The following C19orf38 variants were observed in gnomAD, a reference collection of about 807,000 sequenced individuals.
The protein encoded by C19orf38 is chromosome 19 open reading frame 38, also known as protein HIDE1.
C19orf38 carries 14 observed loss-of-function variants against 26.6 expected under a neutral mutation model. The observed-to-expected ratio is 0.53, with a 90% CI of 0.35 to 0.82. The LOEUF is 0.82. Among genes scored for constraint, C19orf38 ranks in the 40% least tolerant of loss-of-function variants. The pLI is 0.01. For missense variants in C19orf38, 261 were observed against 299.5 expected (o/e 0.87, Z 0.95); for synonymous variants, 132 against 128.5 (o/e 1.03, Z -0.18).
intron 6 of C19orf38, among the ~76,000 whole-genome samples, chr19:10,867,671 G>A (rs911615374): frequency 6.4e-4 from 10 of 15,746 alleles, no homozygotes; most frequent in Non-Finnish European, 1.3e-4. Context: ...TTTTTTTTTT[G>A]AGACAGTGTC....
At chr19:10,840,296 C>T (rs1040236354) in intron 1 of C19orf38, among the ~76,000 whole-genome samples, 1 of 152,108 alleles carries the variant, frequency 6.6e-6, no homozygotes, top group African/African-American at 2.4e-5. Context: ...TACATCCTCA[C>T]CAACACTTGT....
upstream of C19orf38, chr19:10,848,334 A>G: frequency 1.6e-6 from 1 of 630,114 alleles, no homozygotes; most frequent in Non-Finnish European, 2.9e-6. Context: ...GGGAGGGGAG[A>G]GAGTCCCTTT....
At position 10,863,528 on chromosome 19, in the gene C19orf38, CAG is replaced by C. The variant is rs564264831; in HGVS notation, c.543+324_543+325del. 3.0e-3 allele frequency among the ~76,000 whole-genome samples: 454 copies of C among 152,270 alleles called. 1 individual carries two copies. Among genetic ancestry groups the C allele is most frequent in the African/African-American group, 0.011 (440 of 41,558 alleles). On this transcript the variant is annotated intron_variant, in intron 6 of 6. Coordinates refer to ENST00000397820, the MANE Select transcript of C19orf38 (RefSeq NM_001136482.3). ...TCATGACAGCCCCTCAGAATGGTGACAGAGGATTCAGGGTGACCTGGTGGCCT... is the reference window on the plus strand; with the variant it reads ...TCATGACAGCCCCTCAGAATGGTGACAGGATTCAGGGTGACCTGGTGGCCT...
chr19:10,840,159 C>G (rs371499975), intron 1 of C19orf38, among the ~76,000 whole-genome samples: 2 of 150,954 alleles, frequency 1.3e-5, no homozygotes, highest in African/African-American at 4.9e-5. Flanking sequence ...GTATAGATCT[C>G]GTGGTGGAAT....
chr19:10,838,575 G>A (rs2073454779), intron 1 of C19orf38, among the ~76,000 whole-genome samples: 1 of 152,080 alleles, frequency 6.6e-6, no homozygotes, highest in Non-Finnish European at 1.5e-5. Context: ...GTTGTCTTGA[G>A]TAACACCCGG....
chr19:10,845,993 A>G (rs2073513030), upstream of C19orf38, among the ~76,000 whole-genome samples: 2 of 151,512 alleles, frequency 1.3e-5, no homozygotes, highest in African/African-American at 2.4e-5. Flanking sequence ...AGGCTGGGTA[A>G]CATAATAGGA....
chr19:10,836,954 C>T (rs935267058), intron 1 of C19orf38, among the ~76,000 whole-genome samples: 5 of 152,098 alleles, frequency 3.3e-5, no homozygotes, highest in African/African-American at 9.7e-5. Flanking sequence ...ACAGTAGCCT[C>T]GGGTCAGAAA....
chr19:10,859,280 AT>A (rs1568337405), intron 4 of C19orf38, among the ~76,000 whole-genome samples: 5 of 40,054 alleles, frequency 1.2e-4, no homozygotes, highest in African/African-American at 4.4e-4. Flanking sequence ...GTGTGTGTGT[AT>A]GTGTGTGTGT....
In C19orf38 at chr19:10,869,688, T is replaced by G; in HGVS notation, c.*321T>G. On this transcript the variant is annotated 3_prime_UTR_variant, in exon 7 of 7. Transcript: ENST00000397820. ...GGTCTCTGCACACCCGTGGAATTCC[T>G]CCCTTCCCCAGTGGGTTTTTGAGCA... 4.7e-5 allele frequency: 14 copies of G among 296,922 alleles called. No individual in the cohort carries two copies. The highest frequency in any genetic ancestry group is 1.5e-4 in the East Asian group (2 of 13,726). 18.4% of individuals were successfully genotyped at this position (296,922 alleles called of 1,614,324 possible). A position where few individuals can be genotyped will look rare whatever the true frequency, so the allele number is the denominator to read the frequency against.
chr19:10,850,293 G>A lies in C19orf38; in HGVS notation c.66G>A (p.Leu22=). The A allele has an allele frequency of 6.4e-7, 1 of 1,550,778 alleles. No homozygotes were observed. The highest frequency in any genetic ancestry group is 8.7e-7 in the Non-Finnish European group (1 of 1,146,940). Residue 22 remains leucine (L), a synonymous_variant, in exon 2 of 7, where the codon CTG becomes CTA. Coordinates refer to ENST00000397820, the MANE Select transcript of C19orf38 (RefSeq NM_001136482.3). ...CGATCCCAGCACCATCCATCCGGCT[G>A]GTGCCCCCGTACCCAAGCAGCCAAG... The part of the protein sequence containing the change: ...SLAIPAPSIR[L]VPPYPSSQED...
upstream of C19orf38, among the ~76,000 whole-genome samples, chr19:10,845,423 T>C (rs546252565): frequency 2.0e-5 from 3 of 152,220 alleles, no homozygotes; most frequent in East Asian, 3.9e-4. Flanking sequence ...GCCCAAGTAC[T>C]TGGGCATTAA....
chr19:10,847,109 C>G (rs1033022952), upstream of C19orf38, among the ~76,000 whole-genome samples: 1 of 152,140 alleles, frequency 6.6e-6, no homozygotes, highest in Non-Finnish European at 1.5e-5. Context: ...CTGGCTTGAA[C>G]AGAAATGTTT....
chr19:10,839,330 G>A (rs1160304051), intron 1 of C19orf38, among the ~76,000 whole-genome samples: 9 of 152,148 alleles, frequency 5.9e-5, no homozygotes, highest in Non-Finnish European at 1.2e-4. Flanking sequence ...GCATTCCCAC[G>A]TGCAAGCTTC....
intron 1 of C19orf38, 96 bp from the exon 2 acceptor site, chr19:10,850,163 A>T: frequency 1.6e-6 from 2 of 1,221,508 alleles, no homozygotes; most frequent in South Asian, 1.6e-5. Context: ...AGAAAACACA[A>T]GGCTGAGGGA....
chr19:10,865,199 T>C (rs2073739733), intron 6 of C19orf38, among the ~76,000 whole-genome samples: 2 of 152,110 alleles, frequency 1.3e-5, no homozygotes, highest in South Asian at 4.1e-4. Flanking sequence ...TCACCCAGGC[T>C]GGAGTGCAGT....
intron 6 of C19orf38, among the ~76,000 whole-genome samples, chr19:10,868,238 G>C (rs1247627557): frequency 6.6e-6 from 1 of 152,210 alleles, no homozygotes; most frequent in East Asian, 1.9e-4. Context: ...ATGCAACTTT[G>C]TAACACCCTT....
At chr19:10,851,157 G>T (rs181555024) in intron 2 of C19orf38, among the ~76,000 whole-genome samples, 1 of 152,160 alleles carries the variant, frequency 6.6e-6, no homozygotes, top group Non-Finnish European at 1.5e-5. Flanking sequence ...TGGTTCAAGC[G>T]ATTCTTCTGC....
At position 10,859,370 on chromosome 19, in the gene C19orf38, ATATATATATATATAT is replaced by A. The variant is rs1371415940; in HGVS notation, c.462-543_462-529del. ...TGTGTATATATATATATATATATAT[ATATATATATATATAT>A]TTTTTTTTTTTTTTTTAGACGGAGT... On this transcript the variant is annotated intron_variant, in intron 4 of 6. Coordinates refer to ENST00000397820, the MANE Select transcript of C19orf38 (RefSeq NM_001136482.3). Among the ~76,000 whole-genome samples, 355 of 77,636 alleles carry A rather than the reference ATATATATATATATAT, an allele frequency of 4.6e-3. 5 individuals are homozygous for A. The highest frequency in any genetic ancestry group is 0.043 in the East Asian group (72 of 1,684). The allele number at this position is 77,636 out of a possible 152,430, so 50.9% of individuals were successfully genotyped here. A position where few individuals can be genotyped will look rare whatever the true frequency, so the allele number is the denominator to read the frequency against.
At chr19:10,869,090 G>C in intron 6 of C19orf38, 128 bp from the exon 7 acceptor site, 1 of 1,201,676 alleles carries the variant, frequency 8.3e-7, no homozygotes, top group Non-Finnish European at 1.2e-6. Flanking sequence ...GGACAGGTGG[G>C]TGTGGGTGGG....
Sources: gnomAD v4.1 joint callset for allele counts (sites outside exome capture counted in the v4.1 genomes callset) on GRCh38, gnomAD v4.1.1 for gene constraint, MANE v1.5 for transcripts, NCBI Gene and HGNC (gene_info 2026-07-23, HGNC 2026-07-21) for gene names.